The following RAB20 variants were observed in gnomAD, a reference collection of about 807,000 sequenced individuals.
RAB20 encodes ras-related protein Rab-20.
Under a neutral mutation model 3.7 loss-of-function variants are expected in RAB20, and 2 were observed. That is an observed-to-expected ratio of 0.54 (90% CI 0.22 to 1.69). The LOEUF (loss-of-function observed/expected upper bound fraction) is 1.69. Ranked by LOEUF, RAB20 falls within the 40% of genes most tolerant of loss-of-function variation. The probability of loss-of-function intolerance (pLI) is 0.19; values close to 1 mark genes in which losing one functional copy is unlikely to be tolerated. For missense variants in RAB20, 276 were observed against 311.9 expected (o/e 0.88, Z 0.87); for synonymous variants, 126 against 130.8 (o/e 0.96, Z 0.25).
rs1884360018 is a variant in RAB20, at chr13:110,523,174, A to G, written c.*491T>C. 1 of 401,124 alleles carries G rather than the reference A, an allele frequency of 2.5e-6. No individual in the cohort carries two copies. The highest frequency in any genetic ancestry group is 4.4e-6 in the Non-Finnish European group (1 of 228,206). 24.8% of individuals were successfully genotyped at this position (401,124 alleles called of 1,614,324 possible). ...TGTATAAATGAACACGTCGAGAGTC[A>G]GGATTATAAAGCATCAAGATACAAG... On this transcript the variant is annotated 3_prime_UTR_variant, in exon 2 of 2. Coordinates refer to ENST00000267328, the MANE Select transcript of RAB20 (RefSeq NM_017817.3).
chr13:110,552,553 C>T (rs946422955), intron 1 of RAB20, among the ~76,000 whole-genome samples: 71 of 151,244 alleles, frequency 4.7e-4, no homozygotes, highest in African/African-American at 1.5e-3. Context: ...ATTAGCTGGG[C>T]GCGGTGGCGG....
chr13:110,557,868 C>A (rs1047524331), intron 1 of RAB20, among the ~76,000 whole-genome samples: 1 of 152,386 alleles, frequency 6.6e-6, no homozygotes, highest in South Asian at 2.1e-4. Flanking sequence ...AGCATTCTGT[C>A]TCCAGGGCTC....
chr13:110,525,174 A>G (rs1287722685), intron 1 of RAB20, among the ~76,000 whole-genome samples: 3 of 152,170 alleles, frequency 2.0e-5, no homozygotes, highest in African/African-American at 7.2e-5. Context: ...GGGCACACAC[A>G]CTTTCCATGA....
chr13:110,544,966 G>C (rs1242987859), intron 1 of RAB20, among the ~76,000 whole-genome samples: 1 of 152,212 alleles, frequency 6.6e-6, no homozygotes, highest in Non-Finnish European at 1.5e-5. Flanking sequence ...ACTCTCATGA[G>C]ATCTGATGGT....
At chr13:110,558,847 G>A (rs1400091568) in intron 1 of RAB20, among the ~76,000 whole-genome samples, 2 of 151,838 alleles carry the variant, frequency 1.3e-5, no homozygotes, top group South Asian at 4.2e-4. Flanking sequence ...ACAGGTGTGC[G>A]CCACCACGCC....
At position 110,542,872 on chromosome 13, in the gene RAB20, C is replaced by A. The variant is rs137924297; in HGVS notation, c.172+18476G>T. On this transcript the variant is annotated intron_variant, in intron 1 of 1. Transcript: ENST00000267328. Reference sequence around the variant, plus strand: ...TAGTTTTAATTTTTTGAGGAACCATCATGTCTTCCACCGCGGCCATACCCG... The same window carrying A: ...TAGTTTTAATTTTTTGAGGAACCATAATGTCTTCCACCGCGGCCATACCCG... 3.6e-3 allele frequency among the ~76,000 whole-genome samples: 551 copies of A among 152,282 alleles called. 3 individuals carry two copies. Among genetic ancestry groups the A allele is most frequent in the African/African-American group, 0.012 (519 of 41,562 alleles).
intron 1 of RAB20, among the ~76,000 whole-genome samples, chr13:110,537,206 A>T (rs1169033516): frequency 2.0e-5 from 3 of 151,024 alleles, no homozygotes; most frequent in African/African-American, 7.3e-5. Flanking sequence ...ATTATTGCCC[A>T]GGTTGGTCTT....
At chr13:110,549,517 TTC>T (rs971433030) in intron 1 of RAB20, among the ~76,000 whole-genome samples, 1 of 152,210 alleles carries the variant, frequency 6.6e-6, no homozygotes, top group African/African-American at 2.4e-5. Context: ...AACAAAATCT[TTC>T]TCTCTGACCT....
At chr13:110,549,155 A>C (rs2139587149) in intron 1 of RAB20, among the ~76,000 whole-genome samples, 1 of 152,390 alleles carries the variant, frequency 6.6e-6, no homozygotes, top group Admixed American at 6.5e-5. Flanking sequence ...CGTTGCCATC[A>C]ACATCTTGTG....
intron 1 of RAB20, among the ~76,000 whole-genome samples, chr13:110,538,187 C>T (rs1238802037): frequency 3.5e-5 from 5 of 144,494 alleles, no homozygotes; most frequent in Non-Finnish European, 4.5e-5. Flanking sequence ...TGCAGTGAGC[C>T]GTGGTTGTGC....
intron 1 of RAB20, among the ~76,000 whole-genome samples, chr13:110,552,505 A>C (rs964298730): frequency 1.3e-4 from 20 of 152,004 alleles, no homozygotes; most frequent in African/African-American, 4.1e-4. Flanking sequence ...CATCCTGGCT[A>C]ATATAGTGAA....
chr13:110,542,816 C>T (rs1471451197), intron 1 of RAB20, among the ~76,000 whole-genome samples: 2 of 152,166 alleles, frequency 1.3e-5, no homozygotes, highest in African/African-American at 4.8e-5. Flanking sequence ...TAGACAGATA[C>T]CCAGCAGTGG....
intron 1 of RAB20, among the ~76,000 whole-genome samples, chr13:110,532,659 G>A (rs1282568894): frequency 2.8e-5 from 4 of 145,424 alleles, no homozygotes; most frequent in East Asian, 2.0e-4. Flanking sequence ...TTACAGGCGC[G>A]AGGCACCACG....
intron 1 of RAB20, 108 bp from the exon 2 acceptor site, chr13:110,524,305 C>T: frequency 4.2e-6 from 6 of 1,415,522 alleles, no homozygotes; most frequent in Non-Finnish European, 4.7e-6. Flanking sequence ...TTTAGGGCAA[C>T]ACACACAGGA....
At chr13:110,552,929 G>A (rs1266138715) in intron 1 of RAB20, among the ~76,000 whole-genome samples, 1 of 152,180 alleles carries the variant, frequency 6.6e-6, no homozygotes, top group Admixed American at 6.5e-5. Context: ...AGGAGGCTGT[G>A]GGCCGAGCCT....
At chr13:110,551,573 T>A (rs546586126) in intron 1 of RAB20, among the ~76,000 whole-genome samples, 42 of 152,224 alleles carry the variant, frequency 2.8e-4, no homozygotes, top group African/African-American at 1.0e-3. Context: ...AAGCCAGGGT[T>A]GAAACGAAGC....
intron 1 of RAB20, among the ~76,000 whole-genome samples, chr13:110,527,898 A>AAT (rs1375742931): frequency 1.0e-5 from 1 of 95,680 alleles, no homozygotes; most frequent in African/African-American, 4.2e-5. Flanking sequence ...TATCTCTACA[A>AAT]ATACACACAC....
At chr13:110,540,905 C>A (rs548187961) in intron 1 of RAB20, among the ~76,000 whole-genome samples, 11 of 152,304 alleles carry the variant, frequency 7.2e-5, no homozygotes, top group Non-Finnish European at 1.5e-4. Flanking sequence ...CTGCCCCGAC[C>A]CTCACGGCTG....
Position 110,523,210 on chromosome 13 carries a change from GA to G in RAB20, c.*454del. The G allele has an allele frequency of 2.5e-6, 1 of 406,336 alleles. No homozygotes were observed. The highest frequency in any genetic ancestry group is 4.3e-6 in the Non-Finnish European group (1 of 230,868). The allele number at this position is 406,336 out of a possible 1,614,324, so 25.2% of individuals were successfully genotyped here. A position where few individuals can be genotyped will look rare whatever the true frequency, so the allele number is the denominator to read the frequency against. The stretch of plus-strand genomic sequence containing the variant: ...GCATCAAGATACAAGTACCAAGTGG[GA>G]GGACCAAAGACAACTCACAGTGAAG... On this transcript the variant is annotated 3_prime_UTR_variant, in exon 2 of 2. Coordinates refer to ENST00000267328, the MANE Select transcript of RAB20 (RefSeq NM_017817.3).
Sources: allele counts gnomAD v4.1 joint callset (sites outside exome capture counted in the v4.1 genomes callset), GRCh38; gene constraint gnomAD v4.1.1; transcripts MANE v1.5; gene names NCBI Gene and HGNC (gene_info 2026-07-23, HGNC 2026-07-21).